The following RPA1 variants were observed in gnomAD, a reference collection of about 807,000 sequenced individuals.
The protein encoded by RPA1 is replication protein A 70 kDa DNA-binding subunit.
In RPA1, 49 loss-of-function variants were observed where a neutral mutation model predicts 83.0. The ratio of observed to expected loss-of-function variants is 0.59; its 90% CI spans 0.47 to 0.75. The LOEUF (loss-of-function observed/expected upper bound fraction) is 0.75. Among genes scored for constraint, RPA1 ranks in the 30% least tolerant of loss-of-function variants. RPA1 has a pLI of 0.00. For missense variants in RPA1, 693 were observed against 776.1 expected (o/e 0.89, Z 1.27); for synonymous variants, 279 against 281.8 (o/e 0.99, Z 0.10).
intron 1 of RPA1, among the ~76,000 whole-genome samples, chr17:1,841,587 C>T (rs748482666): frequency 6.6e-6 from 1 of 152,178 alleles, no homozygotes; most frequent in Non-Finnish European, 1.5e-5. Flanking sequence ...TACAAGCCAC[C>T]TTGCCCAGCC....
At chr17:1,860,125 GTGGACA>G (rs1195632556) in intron 5 of RPA1, among the ~76,000 whole-genome samples, 3 of 152,000 alleles carry the variant, frequency 2.0e-5, no homozygotes, top group African/African-American at 7.2e-5. Context: ...TTTATTTTTT[GTGGACA>G]TGGAGTCCTG....
At chr17:1,853,411 G>A (rs1912573987) in intron 5 of RPA1, among the ~76,000 whole-genome samples, 1 of 152,166 alleles carries the variant, frequency 6.6e-6, no homozygotes, top group African/African-American at 2.4e-5. Flanking sequence ...TTGGGTGCAC[G>A]GTGGCTCACA....
At chr17:1,880,794 C>T (rs770764474) in intron 12 of RPA1, 103 bp downstream of exon 12, 8 of 1,474,482 alleles carry the variant, frequency 5.4e-6, no homozygotes, top group Admixed American at 3.7e-5. Flanking sequence ...AGCCTTCGTC[C>T]CTGAGTGGTG....
At chr17:1,874,739 A>T (rs958791459) in intron 6 of RPA1, among the ~76,000 whole-genome samples, 21 of 152,022 alleles carry the variant, frequency 1.4e-4, no homozygotes, top group Non-Finnish European at 2.6e-4. Flanking sequence ...ATCTCTCTCG[A>T]CTCCCCAGTT....
At chr17:1,891,582 G>C (rs1351233598) in intron 14 of RPA1, 2 of 207,546 alleles carry the variant, frequency 9.6e-6, no homozygotes, top group Non-Finnish European at 2.0e-5. Context: ...ACCATGCCTG[G>C]CTAATTTTTG....
At position 1,881,524 on chromosome 17, in the gene RPA1, C is replaced by G. The variant is rs12943171; in HGVS notation, c.1241+833C>G. Among the ~76,000 whole-genome samples the G allele has an allele frequency of 6.6e-5, 10 of 152,160 alleles. No homozygotes were observed. The East Asian group carries it at 1.9e-3, about 29-fold the overall frequency. ...CACTGAGCCATCCTCATGAGTAGTA[C>G]GGTCCACACGTATCTGCCGAACTGC... On this transcript the variant is annotated intron_variant, in intron 12 of 16. Transcript: ENST00000254719.
intron 12 of RPA1, among the ~76,000 whole-genome samples, chr17:1,882,237 C>G (rs1913824727): frequency 6.6e-6 from 1 of 152,084 alleles, no homozygotes. Context: ...TCAAGAAGTA[C>G]AATCAGTTTT....
chr17:1,863,416 T>C (rs9909971), intron 5 of RPA1, among the ~76,000 whole-genome samples: 9,442 of 152,058 alleles, frequency 0.062, 965 homozygotes, highest in African/African-American at 0.21. Flanking sequence ...TTTCACCACG[T>C]TGGCCAGGCT....
intron 5 of RPA1, among the ~76,000 whole-genome samples, chr17:1,858,816 T>G (rs924143536): frequency 6.6e-6 from 1 of 152,098 alleles, no homozygotes; most frequent in Non-Finnish European, 1.5e-5. Context: ...TTAATTCTAG[T>G]ATGATCAAAC....
intron 4 of RPA1, among the ~76,000 whole-genome samples, chr17:1,846,962 C>G (rs1912287762): frequency 6.6e-6 from 1 of 152,046 alleles, no homozygotes; most frequent in Admixed American, 6.6e-5. Flanking sequence ...CCCTTTTCTT[C>G]TTAGTCTCTT....
At chr17:1,886,805 A>C (rs764783051) in intron 13 of RPA1, among the ~76,000 whole-genome samples, 14 of 144,836 alleles carry the variant, frequency 9.7e-5, no homozygotes, top group Non-Finnish European at 1.8e-4. Flanking sequence ...AGTAGCTGGG[A>C]CTACAGGTGC....
chr17:1,842,894 G>A (rs1263290433), intron 2 of RPA1, 41 bp downstream of exon 2: 1 of 1,596,912 alleles, frequency 6.3e-7, no homozygotes, highest in Admixed American at 1.7e-5. Flanking sequence ...CAACTTCTTT[G>A]GAGTCATCGA....
At chr17:1,858,082 A>G in intron 5 of RPA1, 2 of 1,613,582 alleles carry the variant, frequency 1.2e-6, no homozygotes, top group East Asian at 2.2e-5. Context: ...AGTAAGAACC[A>G]GGACAACCAC....
intron 4 of RPA1, among the ~76,000 whole-genome samples, chr17:1,845,856 C>A (rs1912234635): frequency 6.6e-6 from 1 of 152,120 alleles, no homozygotes; most frequent in Non-Finnish European, 1.5e-5. Context: ...GGCCTGAGCC[C>A]TGAGAGGTGA....
chr17:1,874,030 T>C (rs7213155), intron 6 of RPA1, among the ~76,000 whole-genome samples: 31,444 of 90,070 alleles, frequency 0.35, 5,823 homozygotes, highest in Non-Finnish European at 0.42. Context: ...TATATATATA[T>C]ATACACACAC....
rs1298822942 is a variant in RPA1 at position 1,843,887 on chromosome 17, A to G, written c.85-33A>G. The G allele has an allele frequency of 2.5e-6, 4 of 1,598,724 alleles. No individual in the cohort carries two copies. The African/African-American group carries it at 4.0e-5, about 16-fold the overall frequency. Reference sequence around the variant, plus strand: ...ACGTATCCCTGGGGACGGGGCAGACAACCTGGCTAATGAATCAAGTTTTCT... The same window carrying G: ...ACGTATCCCTGGGGACGGGGCAGACGACCTGGCTAATGAATCAAGTTTTCT... On this transcript the variant is annotated intron_variant, in intron 2 of 16. Coordinates refer to ENST00000254719, the MANE Select transcript of RPA1 (RefSeq NM_002945.5).
At chr17:1,831,898 CTTTTTTTTT>C (rs138268342) in intron 1 of RPA1, among the ~76,000 whole-genome samples, 879 of 37,842 alleles carry the variant, frequency 0.023, 16 homozygotes, top group African/African-American at 0.076. Context: ...TGTGCCCGGC[CTTTTTTTTT>C]TTTTTTTTTT....
chr17:1,885,155 T>G (rs1027664248), intron 13 of RPA1, among the ~76,000 whole-genome samples: 2 of 152,248 alleles, frequency 1.3e-5, no homozygotes, highest in Admixed American at 1.3e-4. Context: ...ATGCAAATTC[T>G]AAATCCTTTG....
chr17:1,833,183 C>A (rs1050674570), intron 1 of RPA1, among the ~76,000 whole-genome samples: 1 of 152,210 alleles, frequency 6.6e-6, no homozygotes, highest in Admixed American at 6.5e-5. Flanking sequence ...CCTTGGCCTC[C>A]CAGTATGCTG....
Sources: allele counts gnomAD v4.1 joint callset (sites outside exome capture counted in the v4.1 genomes callset), GRCh38; gene constraint gnomAD v4.1.1; transcripts MANE v1.5; gene names NCBI Gene and HGNC (gene_info 2026-07-23, HGNC 2026-07-21).